Variants in C2CD3 observed in about 807,000 individuals in gnomAD.
The protein encoded by C2CD3 is C2 domain containing 3 centriole elongation regulator.
A neutral mutation model predicts 234.0 loss-of-function variants in C2CD3; 148 were observed. The ratio of observed to expected loss-of-function variants is 0.63; its 90% CI spans 0.55 to 0.72. The LOEUF is 0.72. Among genes scored for constraint, C2CD3 ranks in the 30% least tolerant of loss-of-function variants. C2CD3 has a pLI of 0.00. For missense variants in C2CD3, 2,577 were observed against 2,811.5 expected, an observed-to-expected ratio of 0.92 and a Z score of 1.89; for synonymous variants, 1,000 against 1,035.4, an observed-to-expected ratio of 0.97 and a Z score of 0.66.
chr11:74,041,042 C>A (rs1233337866), intron 29 of C2CD3, among the ~76,000 whole-genome samples: 1 of 148,738 alleles, frequency 6.7e-6, no homozygotes, highest in Non-Finnish European at 1.5e-5. Flanking sequence ...TATCTGAAAT[C>A]TGTATGGGTA....
At chr11:74,158,695 C>G (rs1420088786) in intron 3 of C2CD3, among the ~76,000 whole-genome samples, 1 of 150,922 alleles carries the variant, frequency 6.6e-6, no homozygotes, top group Non-Finnish European at 1.5e-5. Context: ...GCACTCCAAC[C>G]TGTACAACAA....
chr11:74,082,137 T>C (rs1014724865), intron 22 of C2CD3, among the ~76,000 whole-genome samples: 2 of 151,588 alleles, frequency 1.3e-5, no homozygotes, highest in African/African-American at 2.4e-5. Context: ...TTTTTTTTTT[T>C]TTTGAGACGG....
chr11:74,016,105 T>C (rs826091), intron 32 of C2CD3, among the ~76,000 whole-genome samples: 11,884 of 152,008 alleles, frequency 0.078, 1,452 homozygotes, highest in African/African-American at 0.26. Context: ...TGGTGACTCA[T>C]CAAACTTTTC....
At chr11:74,125,011 A>G (rs1957361952) in intron 7 of C2CD3, among the ~76,000 whole-genome samples, 1 of 152,208 alleles carries the variant, frequency 6.6e-6, no homozygotes, top group African/African-American at 2.4e-5. Flanking sequence ...TTCTTCTTAG[A>G]CATAATTTTA....
chr11:74,109,175 A>C (rs747179984), intron 11 of C2CD3, 23 bp from the exon 12 acceptor site: 4 of 1,312,096 alleles, frequency 3.0e-6, no homozygotes, highest in Admixed American at 4.5e-5. Context: ...CCAGACACAC[A>C]GACATGTCAC....
intron 32 of C2CD3, among the ~76,000 whole-genome samples, chr11:74,023,785 A>C (rs1414116582): frequency 6.6e-6 from 1 of 152,144 alleles, no homozygotes; most frequent in African/African-American, 2.4e-5. Context: ...TTGGTCTCGC[A>C]TGCCACTCCA....
At chr11:74,060,643 T>C (rs1290711493) in intron 24 of C2CD3, among the ~76,000 whole-genome samples, 1 of 151,950 alleles carries the variant, frequency 6.6e-6, no homozygotes, top group African/African-American at 2.4e-5. Flanking sequence ...AGACCAAAGG[T>C]AGATAAAACC....
chr11:74,030,827 G>A (rs1952494317), intron 31 of C2CD3, among the ~76,000 whole-genome samples: 2 of 152,144 alleles, frequency 1.3e-5, no homozygotes, highest in Admixed American at 6.5e-5. Flanking sequence ...CTGTCTATGT[G>A]CTGTTTCCTA....
At chr11:74,028,245 T>C (rs73555969) in intron 32 of C2CD3, 42 bp downstream of exon 32, 17 of 1,354,586 alleles carry the variant, frequency 1.3e-5, no homozygotes, top group South Asian at 7.6e-5. Context: ...GTGGAAGAGA[T>C]GATGACTCTA....
chr11:74,041,837 C>A (rs1953076262), intron 29 of C2CD3, among the ~76,000 whole-genome samples: 1 of 152,096 alleles, frequency 6.6e-6, no homozygotes, highest in Admixed American at 6.5e-5. Context: ...TAACAGAGCC[C>A]CCTGAAGGAA....
chr11:74,061,964 G>A (rs1288548924), intron 24 of C2CD3, among the ~76,000 whole-genome samples: 1 of 151,892 alleles, frequency 6.6e-6, no homozygotes, highest in East Asian at 1.9e-4. Context: ...AAAAAGCAGG[G>A]GTTGCAATCC....
intron 13 of C2CD3, among the ~76,000 whole-genome samples, chr11:74,104,979 A>T (rs1428553792): frequency 6.6e-6 from 1 of 152,178 alleles, no homozygotes; most frequent in African/African-American, 2.4e-5. Flanking sequence ...GGTGATGTTA[A>T]TTTTTTGCAA....
intron 22 of C2CD3, among the ~76,000 whole-genome samples, chr11:74,082,901 A>G (rs1455405520): frequency 6.6e-6 from 1 of 152,210 alleles, no homozygotes; most frequent in Admixed American, 6.5e-5. Flanking sequence ...CATCCCCATC[A>G]AGCTACCAAT....
intron 11 of C2CD3, chr11:74,109,377 C>T (rs781303990): frequency 5.8e-5 from 25 of 433,184 alleles, no homozygotes; most frequent in Non-Finnish European, 9.3e-5. Flanking sequence ...TGCTATGTTG[C>T]TCCGCTTTGC....
intron 14 of C2CD3, among the ~76,000 whole-genome samples, chr11:74,101,279 G>A (rs1956305966): frequency 6.6e-6 from 1 of 152,174 alleles, no homozygotes; most frequent in Non-Finnish European, 1.5e-5. Flanking sequence ...TAAGCCAAAA[G>A]CACCTTTGTC....
chr11:74,079,165 G>A (rs1323809164), intron 22 of C2CD3, among the ~76,000 whole-genome samples: 1 of 152,152 alleles, frequency 6.6e-6, no homozygotes, highest in African/African-American at 2.4e-5. Flanking sequence ...AAAGAGATCT[G>A]GGGTCTAGAC....
chr11:74,049,837 G>A (rs1441545924), intron 26 of C2CD3, among the ~76,000 whole-genome samples: 1 of 150,790 alleles, frequency 6.6e-6, no homozygotes, highest in Non-Finnish European at 1.5e-5. Context: ...TTGCAGTGCA[G>A]TAGCATGATC....
chr11:74,101,640 C>T (rs1956319664), intron 14 of C2CD3, among the ~76,000 whole-genome samples: 1 of 152,142 alleles, frequency 6.6e-6, no homozygotes, highest in South Asian at 2.1e-4. Flanking sequence ...AATCTCAAGG[C>T]TGAGCAGGAG....
At chr11:74,066,144 G>A (rs1954522151) in intron 24 of C2CD3, among the ~76,000 whole-genome samples, 1 of 151,010 alleles carries the variant, frequency 6.6e-6, no homozygotes, top group Non-Finnish European at 1.5e-5. Flanking sequence ...CGTGTCCTTT[G>A]TAGGTACATG....
Sources: allele counts gnomAD v4.1 joint callset (sites outside exome capture counted in the v4.1 genomes callset), GRCh38; gene constraint gnomAD v4.1.1; transcripts MANE v1.5; gene names NCBI Gene and HGNC (gene_info 2026-07-23, HGNC 2026-07-21).